Variants in ERC2 observed in about 807,000 individuals in gnomAD.
ERC2 encodes the protein ELKS/RAB6-interacting/CAST family member 2.
Under a neutral mutation model 114.8 loss-of-function variants are expected in ERC2, and 42 were observed. The ratio of observed to expected loss-of-function variants is 0.37; its 90% CI spans 0.29 to 0.47. The LOEUF (loss-of-function observed/expected upper bound fraction) is 0.47. ERC2 is among the 20% of genes least tolerant of loss of function. The pLI is 0.99. For synonymous variants in ERC2, 454 were observed against 425.5 expected (o/e 1.07, Z -0.82); for missense variants, 939 against 1,150.7 (o/e 0.82, Z 2.66).
chr3:56,110,673 A>G (rs2078911034), intron 6 of ERC2, among the ~76,000 whole-genome samples: 1 of 152,232 alleles, frequency 6.6e-6, no homozygotes, highest in South Asian at 2.1e-4. Flanking sequence ...GCATATTAAC[A>G]ATACATTACA....
At chr3:56,236,051 T>C (rs1167797227) in intron 3 of ERC2, among the ~76,000 whole-genome samples, 1 of 152,204 alleles carries the variant, frequency 6.6e-6, no homozygotes, top group African/African-American at 2.4e-5. Flanking sequence ...ATCTGAAAGA[T>C]GTGATAATCT....
intron 17 of ERC2, among the ~76,000 whole-genome samples, chr3:55,543,880 A>G (rs1160857102): frequency 6.6e-6 from 1 of 152,024 alleles, no homozygotes; most frequent in Non-Finnish European, 1.5e-5. Flanking sequence ...ACCTCTCACC[A>G]CTAATCAACT....
chr3:55,706,972 AT>A (rs1373362367), intron 15 of ERC2, among the ~76,000 whole-genome samples: 1 of 152,214 alleles, frequency 6.6e-6, no homozygotes. Context: ...CTTGAGTCTC[AT>A]TTCCTATATC....
chr3:56,153,116 C>T (rs1204002083), intron 4 of ERC2, among the ~76,000 whole-genome samples: 2 of 152,058 alleles, frequency 1.3e-5, no homozygotes, highest in East Asian at 1.9e-4. Context: ...AACATGTGTG[C>T]TATAGATTAA....
chr3:56,154,859 A>G (rs1229883496), intron 4 of ERC2, among the ~76,000 whole-genome samples: 2 of 152,194 alleles, frequency 1.3e-5, no homozygotes, highest in Admixed American at 1.3e-4. Context: ...TGTCATTATT[A>G]TCATAAGCCA....
chr3:56,204,781 G>A (rs572201526), intron 3 of ERC2, among the ~76,000 whole-genome samples: 19 of 152,172 alleles, frequency 1.2e-4, no homozygotes, highest in African/African-American at 4.6e-4. Context: ...AATTACAGGT[G>A]TGAGCCACCG....
chr3:55,987,376 T>G (rs927832432), intron 11 of ERC2, among the ~76,000 whole-genome samples: 2 of 152,232 alleles, frequency 1.3e-5, no homozygotes, highest in Non-Finnish European at 2.9e-5. Context: ...TGTAGTTGCC[T>G]CTTTCAAGGG....
At chr3:56,173,792 T>C (rs2082816648) in intron 3 of ERC2, 2 of 408,800 alleles carry the variant, frequency 4.9e-6, no homozygotes, top group Non-Finnish European at 8.8e-6. Flanking sequence ...ATAGTCCAAA[T>C]ACTGTTCAAC....
chr3:56,112,482 T>C (rs2079017236), intron 6 of ERC2, among the ~76,000 whole-genome samples: 1 of 150,228 alleles, frequency 6.7e-6, no homozygotes, highest in South Asian at 2.1e-4. Flanking sequence ...CACACACACA[T>C]AGGCACACAC....
chr3:56,170,954 A>G (rs917134579), intron 4 of ERC2, among the ~76,000 whole-genome samples: 6 of 151,496 alleles, frequency 4.0e-5, no homozygotes, highest in Admixed American at 2.6e-4. Flanking sequence ...TTTAGTAGAG[A>G]CGGGGTTTCA....
At chr3:56,039,778 TG>T (rs1392902995) in intron 7 of ERC2, among the ~76,000 whole-genome samples, 2 of 152,154 alleles carry the variant, frequency 1.3e-5, no homozygotes, top group Non-Finnish European at 2.9e-5. Context: ...AACAGTAAGG[TG>T]CTGGCATAAA....
At chr3:55,839,683 A>C (rs2149212237) in intron 14 of ERC2, among the ~76,000 whole-genome samples, 2 of 152,076 alleles carry the variant, frequency 1.3e-5, no homozygotes, top group African/African-American at 4.8e-5. Flanking sequence ...CCAAAATAAC[A>C]AAACAAAGAG....
chr3:56,195,500 C>CATGTGTGT (rs1553873461), intron 3 of ERC2, among the ~76,000 whole-genome samples: 1 of 149,924 alleles, frequency 6.7e-6, no homozygotes, highest in Admixed American at 6.6e-5. Context: ...TGCGTGTGTG[C>CATGTGTGT]GTGTGTGTGT....
chr3:55,700,006 A>T (rs2063138312), intron 15 of ERC2, among the ~76,000 whole-genome samples: 1 of 152,186 alleles, frequency 6.6e-6, no homozygotes, highest in African/African-American at 2.4e-5. Flanking sequence ...CCAAATGCAA[A>T]AATACTGATG....
rs1441650658 is a variant in ERC2, at chr3:55,510,468, T to C, written c.*848A>G. On this transcript the variant is annotated 3_prime_UTR_variant, in exon 18 of 18. Transcript: ENST00000288221. The stretch of plus-strand genomic sequence containing the variant: ...AACACAGGGACTAGAGATATGCAGG[T>C]GCCTCAGACTTTTGCCACTCTCCAG... 6.6e-6 allele frequency: 1 copy of C among 152,568 alleles called. No individual in the cohort carries two copies. The highest frequency in any genetic ancestry group is 1.9e-4 in the East Asian group (1 of 5,188). The allele number at this position is 152,568 out of a possible 1,614,324, so 9.5% of individuals were successfully genotyped here. A position where few individuals can be genotyped will look rare whatever the true frequency, so the allele number is the denominator to read the frequency against.
Position 55,676,554 on chromosome 3 carries a change from G to A in ERC2, c.*39+7240C>T, listed in dbSNP as rs1322236481. 2.6e-5 allele frequency among the ~76,000 whole-genome samples: 4 copies of A among 151,810 alleles called. No homozygotes were observed. The East Asian group carries it at 7.7e-4, about 29-fold the overall frequency. On this transcript the variant is annotated intron_variant, in intron 17 of 17. Transcript: ENST00000288221. The stretch of plus-strand genomic sequence containing the variant: ...AGATTAATTTTCACCAGATGTGAGT[G>A]TCTGGACTTCTCCAAGATTTGTTAT...
chr3:56,131,762 T>G (rs1466810568), intron 6 of ERC2, among the ~76,000 whole-genome samples: 2 of 152,210 alleles, frequency 1.3e-5, no homozygotes, highest in African/African-American at 2.4e-5. Flanking sequence ...GAATAAATTC[T>G]AGCGTTCTGT....
chr3:55,775,595 G>C (rs1268714265), intron 14 of ERC2, among the ~76,000 whole-genome samples: 1 of 143,214 alleles, frequency 7.0e-6, no homozygotes, highest in Non-Finnish European at 1.5e-5. Flanking sequence ...AAAGGAAAAA[G>C]TGAGACAGAC....
At chr3:56,169,672 A>T (rs371313073) in intron 4 of ERC2, among the ~76,000 whole-genome samples, 2 of 152,144 alleles carry the variant, frequency 1.3e-5, no homozygotes, top group East Asian at 3.9e-4. Context: ...TTTCCAGTAA[A>T]TTTTTTTCCA....
Sources: gnomAD v4.1 joint callset for allele counts (sites outside exome capture counted in the v4.1 genomes callset) on GRCh38, gnomAD v4.1.1 for gene constraint, MANE v1.5 for transcripts, NCBI Gene and HGNC (gene_info 2026-07-23, HGNC 2026-07-21) for gene names.